TAMM41: variants seen among roughly 807,000 people sequenced by gnomAD.
TAMM41 encodes the protein phosphatidate cytidylyltransferase, mitochondrial.
In TAMM41, 36 loss-of-function variants were observed where a neutral mutation model predicts 44.1. The observed-to-expected ratio is 0.82, with a 90% confidence interval of 0.63 to 1.08. TAMM41 has a LOEUF of 1.08. Ranked by LOEUF, TAMM41 falls within the 50% of genes least tolerant of loss-of-function variation. The pLI is 0.00. For missense variants in TAMM41, 417 were observed against 404.3 expected (o/e 1.03, Z -0.27); for synonymous variants, 164 against 153.1 (o/e 1.07, Z -0.53).
chr3:11,815,026 A>G (rs929919873), intron 5 of TAMM41, among the ~76,000 whole-genome samples: 1 of 152,186 alleles, frequency 6.6e-6, no homozygotes, highest in Non-Finnish European at 1.5e-5. Flanking sequence ...AATGAATGGA[A>G]AACAGACATA....
At chr3:11,746,891 C>T in the TAMM41 span, among the ~76,000 whole-genome samples, 1 of 152,160 alleles carries the variant, frequency 6.6e-6, no homozygotes, top group Non-Finnish European at 1.5e-5. Flanking sequence ...CTGCCTCGAC[C>T]TCCCAATGCA....
chr3:11,737,195 C>T, the TAMM41 span, among the ~76,000 whole-genome samples: 1 of 152,062 alleles, frequency 6.6e-6, no homozygotes, highest in Admixed American at 6.6e-5. Flanking sequence ...TTGTCTATAA[C>T]CCAGAACCCT....
At chr3:11,818,107 G>A (rs770428922) in intron 4 of TAMM41, among the ~76,000 whole-genome samples, 2 of 152,228 alleles carry the variant, frequency 1.3e-5, no homozygotes, top group Non-Finnish European at 2.9e-5. Context: ...AATCACAAGA[G>A]GCTGGACACA....
chr3:11,824,964 G>T (rs2078683416), intron 4 of TAMM41, among the ~76,000 whole-genome samples: 1 of 152,136 alleles, frequency 6.6e-6, no homozygotes, highest in African/African-American at 2.4e-5. Context: ...GGCCCACTGG[G>T]GTGGGTGTGG....
At chr3:11,772,864 C>T in the TAMM41 span, among the ~76,000 whole-genome samples, 13 of 152,268 alleles carry the variant, frequency 8.5e-5, no homozygotes, top group South Asian at 6.2e-4. Flanking sequence ...GGGTCTTTAT[C>T]GTCTCCATCT....
At chr3:11,760,584 A>G in the TAMM41 span, among the ~76,000 whole-genome samples, 2 of 135,560 alleles carry the variant, frequency 1.5e-5, no homozygotes, top group African/African-American at 6.2e-5. Context: ...TTTTTGAGAT[A>G]GGGTCTTGCT....
At chr3:11,739,473 T>C in the TAMM41 span, among the ~76,000 whole-genome samples, 1 of 152,076 alleles carries the variant, frequency 6.6e-6, no homozygotes, top group African/African-American at 2.4e-5. Flanking sequence ...GTGGGCATGC[T>C]GTGGCCATCT....
At chr3:11,767,643 TGA>T in the TAMM41 span, among the ~76,000 whole-genome samples, 31 of 139,032 alleles carry the variant, frequency 2.2e-4, 1 homozygote, top group Non-Finnish European at 4.0e-4. Context: ...TTTTTTTTTT[TGA>T]GACAGAGTCT....
intron 7 of TAMM41, among the ~76,000 whole-genome samples, chr3:11,793,026 A>C (rs1187662046): frequency 1.5e-5 from 2 of 132,846 alleles, no homozygotes; most frequent in Non-Finnish European, 3.0e-5. Context: ...ACGCCACTGC[A>C]CTCCAGCCTG....
Position 11,809,663 on chromosome 3 carries a change from CCTT to C in TAMM41, c.725_727del (p.Glu242del). On this transcript the variant is annotated inframe_deletion, in exon 6 of 8. Transcript: ENST00000455809. ...CAATGTCATCAGCTGAGTGAACTGT[CCTT>C]CTGGGCTTTTATCTATCTGAAGGGA... The C allele has an allele frequency of 1.2e-6, 2 of 1,612,386 alleles. No individual in the cohort carries two copies. Among genetic ancestry groups the C allele is most frequent in the Non-Finnish European group, 1.7e-6 (2 of 1,179,722 alleles).
the TAMM41 span, among the ~76,000 whole-genome samples, chr3:11,747,206 G>A: frequency 6.6e-6 from 1 of 152,082 alleles, no homozygotes; most frequent in Admixed American, 6.6e-5. Flanking sequence ...GGGACTACAG[G>A]CGCACGCCAC....
chr3:11,824,156 T>C (rs529903694), intron 4 of TAMM41, among the ~76,000 whole-genome samples: 103 of 151,478 alleles, frequency 6.8e-4, no homozygotes, highest in African/African-American at 2.3e-3. Flanking sequence ...ATTCTTTATA[T>C]ATTCTGGATA....
the TAMM41 span, among the ~76,000 whole-genome samples, chr3:11,772,363 G>A: frequency 1.3e-4 from 19 of 151,944 alleles, no homozygotes; most frequent in East Asian, 3.3e-3. Context: ...TGGCAGGCGT[G>A]AGCCACCGTG....
chr3:11,725,711 A>G, the TAMM41 span, among the ~76,000 whole-genome samples: 1 of 152,172 alleles, frequency 6.6e-6, no homozygotes, highest in South Asian at 2.1e-4. Context: ...AAGTGCTGGG[A>G]CTACAGGCGT....
chr3:11,797,035 T>C (rs7635698), intron 7 of TAMM41, among the ~76,000 whole-genome samples: 17,785 of 152,160 alleles, frequency 0.12, 2,259 homozygotes, highest in East Asian at 0.49. Context: ...TGTTCATAGA[T>C]AGAAAGAACC....
chr3:11,783,939 G>C, the TAMM41 span, among the ~76,000 whole-genome samples: 514 of 152,310 alleles, frequency 3.4e-3, 6 homozygotes, highest in African/African-American at 0.012. Flanking sequence ...AAGGATGAAT[G>C]AGTTAATACA....
chr3:11,757,688 T>C, the TAMM41 span, among the ~76,000 whole-genome samples: 3 of 152,332 alleles, frequency 2.0e-5, no homozygotes, highest in South Asian at 4.1e-4. Context: ...CAACGCTTTG[T>C]AACTTATCCT....
chr3:11,731,290 A>G, the TAMM41 span, among the ~76,000 whole-genome samples: 7 of 152,186 alleles, frequency 4.6e-5, no homozygotes, highest in South Asian at 2.1e-4. Context: ...TCTAAATTAC[A>G]TATATAAGGA....
the TAMM41 span, among the ~76,000 whole-genome samples, chr3:11,783,729 GTA>G: frequency 6.6e-6 from 1 of 152,168 alleles, no homozygotes; most frequent in African/African-American, 2.4e-5. Flanking sequence ...CTGTGGTATG[GTA>G]TAGAGAAACA....
Sources: allele counts gnomAD v4.1 joint callset (sites outside exome capture counted in the v4.1 genomes callset), GRCh38; gene constraint gnomAD v4.1.1; transcripts MANE v1.5; gene names NCBI Gene and HGNC (gene_info 2026-07-23, HGNC 2026-07-21).